WWOX: variants seen among roughly 807,000 people sequenced by gnomAD.
The protein encoded by WWOX is WW domain-containing oxidoreductase.
WWOX carries 69 observed loss-of-function variants against 46.2 expected under a neutral mutation model. The observed-to-expected ratio is 1.49, with a 90% CI of 1.23 to 1.82. WWOX has a LOEUF of 1.82. Among genes scored for constraint, WWOX ranks in the 40% most tolerant of loss-of-function variants. The pLI, the probability that WWOX is intolerant of heterozygous loss-of-function variation, is 0.00. For synonymous variants in WWOX, 359 were observed against 202.6 expected, an observed-to-expected ratio of 1.77 and a Z score of -6.56; for missense variants, 919 against 542.6, an observed-to-expected ratio of 1.69 and a Z score of -6.89.
intron 8 of WWOX, among the ~76,000 whole-genome samples, chr16:79,020,326 T>C (rs571094124): frequency 1.3e-5 from 2 of 152,308 alleles, no homozygotes; most frequent in East Asian, 3.9e-4. Context: ...GGTTTTGTGA[T>C]CAAAACTATG....
intron 5 of WWOX, among the ~76,000 whole-genome samples, chr16:78,242,107 G>A (rs574623668): frequency 6.6e-6 from 1 of 152,298 alleles, no homozygotes; most frequent in East Asian, 1.9e-4. Flanking sequence ...GAAGAATTGC[G>A]ACGTCGGCCT....
chr16:78,260,078 G>A (rs2038239026), intron 5 of WWOX, among the ~76,000 whole-genome samples: 1 of 151,154 alleles, frequency 6.6e-6, no homozygotes, highest in African/African-American at 2.4e-5. Context: ...GAGCGTTTCT[G>A]CTGGAATCAG....
At chr16:78,861,011 G>C (rs753103874) in intron 8 of WWOX, among the ~76,000 whole-genome samples, 10 of 152,010 alleles carry the variant, frequency 6.6e-5, no homozygotes, top group Non-Finnish European at 1.5e-4. Flanking sequence ...GTAGAGATGG[G>C]GTTTTGCCAT....
At position 78,422,663 on chromosome 16, in the gene WWOX, G is replaced by GTGTATATATATATATATATATATATA. The variant is rs1438850450; in HGVS notation, c.606-2206_606-2205insGTATATATATATATATATATATATAT. Among the ~76,000 whole-genome samples the GTGTATATATATATATATATATATATA allele has an allele frequency of 6.7e-3, 164 of 24,404 alleles. 5 individuals are homozygous for GTGTATATATATATATATATATATATA. Among genetic ancestry groups the GTGTATATATATATATATATATATATA allele is most frequent in the Non-Finnish European group, 0.013 (123 of 9,234 alleles). The allele number at this position is 24,404 out of a possible 152,430, so 16.0% of individuals were successfully genotyped here. On this transcript the variant is annotated intron_variant, in intron 6 of 8. Transcript: ENST00000566780. ...GCCCAGCCTCCTGTTTTTTTTACAT[G>GTGTATATATATATATATATATATATA]TATATATATATATATATATATACAC...
At chr16:78,798,104 G>A (rs58560942) in intron 8 of WWOX, among the ~76,000 whole-genome samples, 33,818 of 152,132 alleles carry the variant, frequency 0.22, 4,101 homozygotes, top group East Asian at 0.33. Context: ...AGATGGGGTA[G>A]CTTGCTCATG....
intron 5 of WWOX, among the ~76,000 whole-genome samples, chr16:78,282,322 A>C (rs886409615): frequency 6.6e-6 from 1 of 152,152 alleles, no homozygotes; most frequent in African/African-American, 2.4e-5. Flanking sequence ...TTATTTTTGC[A>C]TGTTTCTAGA....
intron 5 of WWOX, among the ~76,000 whole-genome samples, chr16:78,194,252 C>T (rs2035976403): frequency 6.6e-6 from 1 of 151,940 alleles, no homozygotes; most frequent in Admixed American, 6.6e-5. Context: ...TTTATTGGAA[C>T]TGCTTGGTAG....
At chr16:78,128,878 A>G (rs1038863357) in intron 4 of WWOX, among the ~76,000 whole-genome samples, 5 of 152,208 alleles carry the variant, frequency 3.3e-5, no homozygotes, top group African/African-American at 1.2e-4. Context: ...AGAAGCTTCT[A>G]TCAGCTGAGA....
chr16:79,131,956 C>T (rs780577988), intron 8 of WWOX, among the ~76,000 whole-genome samples: 1 of 152,030 alleles, frequency 6.6e-6, no homozygotes. Context: ...TCAGATCTCA[C>T]GAGACTTATT....
intron 8 of WWOX, among the ~76,000 whole-genome samples, chr16:78,794,381 C>A (rs1020948757): frequency 1.3e-5 from 2 of 152,078 alleles, no homozygotes; most frequent in African/African-American, 4.8e-5. Context: ...TTATTTGTAA[C>A]AAACAAATAA....
At chr16:78,498,008 C>T (rs2084960335) in intron 8 of WWOX, among the ~76,000 whole-genome samples, 1 of 151,940 alleles carries the variant, frequency 6.6e-6, no homozygotes, top group South Asian at 2.1e-4. Flanking sequence ...CGAGACCATC[C>T]TGGCTAACAT....
At chr16:79,010,379 C>A (rs943575236) in intron 8 of WWOX, among the ~76,000 whole-genome samples, 1 of 152,104 alleles carries the variant, frequency 6.6e-6, no homozygotes, top group Non-Finnish European at 1.5e-5. Flanking sequence ...AGAGACAGAT[C>A]TGGAACCCCA....
chr16:79,061,078 G>A (rs1029709090), intron 8 of WWOX, among the ~76,000 whole-genome samples: 2 of 152,142 alleles, frequency 1.3e-5, no homozygotes, highest in African/African-American at 2.4e-5. Flanking sequence ...TCGAAGGGAC[G>A]TGCCCCTTGA....
At position 78,354,312 on chromosome 16, in the gene WWOX, C is replaced by CTTTT. The variant is rs55635025; in HGVS notation, c.517-32537_517-32534dup. On this transcript the variant is annotated intron_variant, in intron 5 of 8. Transcript: ENST00000566780. ...AGACAGTGTCTGCTGATGTGCTTAA[C>CTTTT]TTTTTTTTTTTTTTGGTCAGGTGTG... 4.9e-5 allele frequency among the ~76,000 whole-genome samples: 6 copies of CTTTT among 123,304 alleles called. 2 individuals are homozygous for CTTTT. The highest frequency in any genetic ancestry group is 4.9e-5 in the Non-Finnish European group (3 of 61,456). 80.9% of individuals were successfully genotyped at this position (123,304 alleles called of 152,430 possible).
intron 8 of WWOX, among the ~76,000 whole-genome samples, chr16:78,801,399 C>T (rs372593249): frequency 1.3e-5 from 2 of 152,122 alleles, no homozygotes; most frequent in Admixed American, 6.5e-5. Context: ...ATCCCAGCTA[C>T]TCAGGAGGCT....
intron 8 of WWOX, among the ~76,000 whole-genome samples, chr16:78,790,622 AT>A (rs2050571473): frequency 6.6e-6 from 1 of 152,174 alleles, no homozygotes; most frequent in African/African-American, 2.4e-5. Flanking sequence ...TGGCAGATTA[AT>A]TTTCTTTCTT....
chr16:78,485,143 A>T (rs114711152), intron 8 of WWOX, among the ~76,000 whole-genome samples: 22,030 of 144,028 alleles, frequency 0.15, 1,835 homozygotes, highest in African/African-American at 0.27. Context: ...CATGTACTTT[A>T]AAAAAAAAAA....
chr16:78,646,269 T>G (rs1441196372), intron 8 of WWOX, among the ~76,000 whole-genome samples: 1 of 152,100 alleles, frequency 6.6e-6, no homozygotes, highest in Non-Finnish European at 1.5e-5. Flanking sequence ...ATCCTCTTGC[T>G]TCCCAAAGTG....
At chr16:78,200,968 C>G (rs748174616) in intron 5 of WWOX, among the ~76,000 whole-genome samples, 7 of 152,202 alleles carry the variant, frequency 4.6e-5, no homozygotes, top group Non-Finnish European at 7.3e-5. Context: ...ACATTTACTT[C>G]TGCCTTTTAA....
Sources: gnomAD v4.1 joint callset for allele counts (sites outside exome capture counted in the v4.1 genomes callset) on GRCh38, gnomAD v4.1.1 for gene constraint, MANE v1.5 for transcripts, NCBI Gene and HGNC (gene_info 2026-07-23, HGNC 2026-07-21) for gene names.